The following ATP2B2 variants were observed in gnomAD, a reference collection of about 807,000 sequenced individuals.
ATP2B2 encodes plasma membrane calcium-transporting ATPase 2.
ATP2B2 carries 15 observed loss-of-function variants against 120.0 expected under a neutral mutation model. The observed-to-expected ratio is 0.12, with a 90% CI of 0.08 to 0.19. The LOEUF (loss-of-function observed/expected upper bound fraction) is 0.19, where lower values mean the gene tolerates loss of function less well. ATP2B2 is among the 10% of genes least tolerant of loss of function. The probability of loss-of-function intolerance (pLI) is 1.00; values close to 1 mark genes in which losing one functional copy is unlikely to be tolerated. For synonymous variants in ATP2B2, 694 were observed against 700.3 expected (o/e 0.99, Z 0.14); for missense variants, 1,045 against 1,719.8 (o/e 0.61, Z 6.94).
intron 3 of ATP2B2, among the ~76,000 whole-genome samples, chr3:10,519,285 G>T (rs1181610066): frequency 7.2e-5 from 11 of 152,208 alleles, no homozygotes; most frequent in Non-Finnish European, 1.0e-4. Context: ...GGGGTCCCCT[G>T]AATTAGCTAA....
chr3:10,382,927 C>T (rs751640062), intron 8 of ATP2B2, among the ~76,000 whole-genome samples: 15 of 151,838 alleles, frequency 9.9e-5, no homozygotes, highest in African/African-American at 1.5e-4. Flanking sequence ...CTCTCTCAAT[C>T]GGCAAGGTTC....
chr3:10,626,573 ATGG>A (rs2125632092), intron 1 of ATP2B2: 1 of 114,198 alleles, frequency 8.8e-6, no homozygotes, highest in South Asian at 2.4e-4. Flanking sequence ...GGATGGATGG[ATGG>A]ATGGATGGAT....
At chr3:10,427,190 A>G (rs2063172411) in intron 2 of ATP2B2, among the ~76,000 whole-genome samples, 1 of 152,222 alleles carries the variant, frequency 6.6e-6, no homozygotes, top group Admixed American at 6.5e-5. Context: ...CCAGGATTTC[A>G]TGGGATCCAC....
At chr3:10,354,554 C>T (rs1397277206) in intron 14 of ATP2B2, among the ~76,000 whole-genome samples, 4 of 152,120 alleles carry the variant, frequency 2.6e-5, no homozygotes, top group Non-Finnish European at 5.9e-5. Flanking sequence ...CCCGGATAAC[C>T]CGGCAAATCC....
At chr3:10,409,394 T>C (rs1389946138) in intron 3 of ATP2B2, among the ~76,000 whole-genome samples, 1 of 152,206 alleles carries the variant, frequency 6.6e-6, no homozygotes, top group African/African-American at 2.4e-5. Flanking sequence ...ATTATTATTA[T>C]TTTTTAAATT....
At chr3:10,412,230 G>A (rs1349342396) in intron 2 of ATP2B2, among the ~76,000 whole-genome samples, 1 of 152,170 alleles carries the variant, frequency 6.6e-6, no homozygotes, top group Non-Finnish European at 1.5e-5. Flanking sequence ...TGGTACTGGG[G>A]TATGGATGAC....
chr3:10,647,170 A>G (rs1372111558), intron 1 of ATP2B2, among the ~76,000 whole-genome samples: 1 of 152,222 alleles, frequency 6.6e-6, no homozygotes, highest in African/African-American at 2.4e-5. Context: ...AGCTGTGTCC[A>G]GCCCATGGGG....
At chr3:10,400,574 G>A (rs527868451) in intron 5 of ATP2B2, among the ~76,000 whole-genome samples, 27 of 149,426 alleles carry the variant, frequency 1.8e-4, no homozygotes, top group East Asian at 1.4e-3. Context: ...CCTTAGTGCC[G>A]GGCCCAGTAC....
At chr3:10,654,151 C>T (rs867960993) in intron 1 of ATP2B2, among the ~76,000 whole-genome samples, 1 of 152,144 alleles carries the variant, frequency 6.6e-6, no homozygotes, top group African/African-American at 2.4e-5. Flanking sequence ...AAAAGTGGAA[C>T]ATAGAGAGGA....
chr3:10,338,474 A>G, intron 21 of ATP2B2, 116 bp from the exon 22 acceptor site: 1 of 1,038,714 alleles, frequency 9.6e-7, no homozygotes. Flanking sequence ...CATGTGATCA[A>G]TCTACTCCTT....
intron 1 of ATP2B2, among the ~76,000 whole-genome samples, chr3:10,672,250 C>G (rs1180909277): frequency 6.6e-6 from 1 of 152,230 alleles, no homozygotes; most frequent in South Asian, 2.1e-4. Flanking sequence ...GGCGCTCCAG[C>G]TTCCAAGCCC....
intron 12 of ATP2B2, among the ~76,000 whole-genome samples, chr3:10,361,997 T>C (rs1304917170): frequency 6.6e-6 from 1 of 152,212 alleles, no homozygotes; most frequent in Admixed American, 6.5e-5. Flanking sequence ...GTGGCTCCCA[T>C]GTGCACCCCC....
intron 2 of ATP2B2, among the ~76,000 whole-genome samples, chr3:10,534,694 C>T (rs923724873): frequency 3.9e-5 from 6 of 152,094 alleles, no homozygotes; most frequent in African/African-American, 1.2e-4. Context: ...TTTCCTGAGC[C>T]TCCTTTTCCT....
rs1397982113 is a variant in ATP2B2, at chr3:10,361,612, C to T, written c.1660-1489G>A. On this transcript the variant is annotated intron_variant, in intron 12 of 22. Transcript: ENST00000360273. ...CTCCCCAGCACCTGTCACTTCCTCA[C>T]ATGGCTGCCCGAACACGGGCTGTTT... Among the ~76,000 whole-genome samples, 4 of 152,258 alleles carry T rather than the reference C, an allele frequency of 2.6e-5. No individual in the cohort carries two copies. In the East Asian group the frequency reaches 5.8e-4, roughly 22 times the overall value.
At chr3:10,474,727 T>C (rs557620637) in intron 1 of ATP2B2, among the ~76,000 whole-genome samples, 58 of 152,376 alleles carry the variant, frequency 3.8e-4, no homozygotes, top group African/African-American at 1.3e-3. Flanking sequence ...CTTCCAGGCT[T>C]TTGCCCAGGC....
At chr3:10,417,531 A>C (rs2062832849) in intron 2 of ATP2B2, among the ~76,000 whole-genome samples, 1 of 152,220 alleles carries the variant, frequency 6.6e-6, no homozygotes, top group African/African-American at 2.4e-5. Flanking sequence ...AGATCCTCCT[A>C]TCTTAAGGAG....
rs549405709 is a variant in ATP2B2, at chr3:10,458,013, G to A, written c.-319-8151C>T. Among the ~76,000 whole-genome samples, 17 of 152,150 alleles carry A rather than the reference G, an allele frequency of 1.1e-4. No homozygotes were observed. In the South Asian group the frequency reaches 3.3e-3, roughly 30 times the overall value. ...ACTGTCCTCTGTTCTCAGAGGAGTT[G>A]CCAATGTTAGATGGCAGGAAAAACC... On this transcript the variant is annotated intron_variant, in intron 1 of 22. Transcript: ENST00000360273.
At chr3:10,706,369 G>T (rs1351614536) in intron 1 of ATP2B2, among the ~76,000 whole-genome samples, 1 of 152,182 alleles carries the variant, frequency 6.6e-6, no homozygotes, top group Non-Finnish European at 1.5e-5. Flanking sequence ...TCTTCCTGGC[G>T]CCATGGCTGG....
intron 1 of ATP2B2, among the ~76,000 whole-genome samples, chr3:10,645,755 A>T (rs1324432841): frequency 6.6e-6 from 1 of 152,012 alleles, no homozygotes; most frequent in Non-Finnish European, 1.5e-5. Context: ...TAAGGTCCCA[A>T]TTTCTTCATC....
Sources: gnomAD v4.1 joint callset for allele counts (sites outside exome capture counted in the v4.1 genomes callset) on GRCh38, gnomAD v4.1.1 for gene constraint, MANE v1.5 for transcripts, NCBI Gene and HGNC (gene_info 2026-07-23, HGNC 2026-07-21) for gene names.